Variants in DCC observed in about 807,000 individuals in gnomAD.
DCC encodes the protein netrin receptor DCC.
DCC carries 58 observed loss-of-function variants against 172.5 expected under a neutral mutation model. The observed-to-expected ratio is 0.34, with a 90% CI of 0.27 to 0.42. The LOEUF (loss-of-function observed/expected upper bound fraction) is 0.42, where lower values mean the gene tolerates loss of function less well. Ranked by LOEUF, DCC falls within the 10% of genes least tolerant of loss-of-function variation. The pLI is 1.00. For synonymous variants in DCC, 709 were observed against 644.5 expected (o/e 1.10, Z -1.52); for missense variants, 1,740 against 1,791.0 (o/e 0.97, Z 0.51).
At chr18:53,297,704 T>G (rs2057084320) in intron 12 of DCC, among the ~76,000 whole-genome samples, 1 of 152,104 alleles carries the variant, frequency 6.6e-6, no homozygotes, top group Admixed American at 6.6e-5. Flanking sequence ...GCAAAATAGG[T>G]CTCATATAGA....
intron 1 of DCC, among the ~76,000 whole-genome samples, chr18:52,644,562 G>A (rs1216697333): frequency 1.5e-5 from 2 of 136,748 alleles, no homozygotes; most frequent in African/African-American, 5.6e-5. Flanking sequence ...CTGGGCGACA[G>A]AGTCAGACTC....
chr18:52,515,928 G>GAA lies in DCC; in HGVS notation c.91+175065_91+175066dup, dbSNP rs34820684. On this transcript the variant is annotated intron_variant, in intron 1 of 28. Coordinates refer to ENST00000442544, the MANE Select transcript of DCC (RefSeq NM_005215.4). The stretch of plus-strand genomic sequence containing the variant: ...AGAAAAAAAATCCAGTTAGAAAATG[G>GAA]AAAAAAAAAAAAAAAAGAAAATGGG... 8.3e-3 allele frequency among the ~76,000 whole-genome samples: 953 copies of GAA among 114,962 alleles called. 15 individuals are homozygous for GAA. The highest frequency in any genetic ancestry group is 0.026 in the African/African-American group (753 of 28,598). 75.4% of individuals were successfully genotyped at this position (114,962 alleles called of 152,430 possible). A position where few individuals can be genotyped will look rare whatever the true frequency, so the allele number is the denominator to read the frequency against.
chr18:52,962,169 G>A (rs1435812978), intron 5 of DCC, among the ~76,000 whole-genome samples: 1 of 150,768 alleles, frequency 6.6e-6, no homozygotes, highest in African/African-American at 2.4e-5. Flanking sequence ...GAGTGAACAG[G>A]CAACCTACAA....
At chr18:52,597,794 C>G (rs1598943714) in intron 1 of DCC, among the ~76,000 whole-genome samples, 1 of 152,172 alleles carries the variant, frequency 6.6e-6, no homozygotes, top group Admixed American at 6.5e-5. Flanking sequence ...GCAAGACATT[C>G]AACAAAATGC....
chr18:52,518,082 T>A (rs913770293), intron 1 of DCC, among the ~76,000 whole-genome samples: 3 of 152,214 alleles, frequency 2.0e-5, no homozygotes, highest in African/African-American at 4.8e-5. Context: ...TGGTACTAAT[T>A]TCCCTAAAAA....
At chr18:53,355,596 C>G (rs575780085) in intron 15 of DCC, among the ~76,000 whole-genome samples, 1 of 152,088 alleles carries the variant, frequency 6.6e-6, no homozygotes, top group Non-Finnish European at 1.5e-5. Context: ...TATAAGAATG[C>G]TCGCGATTTT....
intron 1 of DCC, among the ~76,000 whole-genome samples, chr18:52,526,141 G>A (rs2031973467): frequency 6.6e-6 from 1 of 152,194 alleles, no homozygotes; most frequent in African/African-American, 2.4e-5. Context: ...CAAAGACAAA[G>A]AAGTATCTTT....
intron 2 of DCC, among the ~76,000 whole-genome samples, chr18:52,807,467 A>G (rs963959152): frequency 2.0e-5 from 3 of 152,242 alleles, no homozygotes; most frequent in African/African-American, 7.2e-5. Flanking sequence ...AGCTGCGTAT[A>G]TATAAATTCA....
chr18:52,737,093 G>T (rs1358070877), intron 1 of DCC, among the ~76,000 whole-genome samples: 1 of 152,114 alleles, frequency 6.6e-6, no homozygotes, highest in Non-Finnish European at 1.5e-5. Context: ...TAAATTTTAG[G>T]CTTTTACTAT....
At chr18:53,499,626 A>G (rs2046072074) in intron 27 of DCC, 116 bp downstream of exon 27, 4 of 877,110 alleles carry the variant, frequency 4.6e-6, no homozygotes, top group Non-Finnish European at 7.6e-6. Flanking sequence ...TGCTGATTAC[A>G]TGCCCAGTGT....
intron 1 of DCC, among the ~76,000 whole-genome samples, chr18:52,591,369 G>A (rs1259272573): frequency 6.6e-6 from 1 of 151,930 alleles, no homozygotes; most frequent in Non-Finnish European, 1.5e-5. Flanking sequence ...ATGTCATTTT[G>A]CAAACTGCTT....
At chr18:52,420,947 A>G (rs904920976) in intron 1 of DCC, among the ~76,000 whole-genome samples, 4 of 152,160 alleles carry the variant, frequency 2.6e-5, no homozygotes, top group Non-Finnish European at 5.9e-5. Context: ...ATTCAGATCA[A>G]TTCACTTTCA....
chr18:53,491,815 G>T (rs1297053784), intron 26 of DCC, among the ~76,000 whole-genome samples: 1 of 152,144 alleles, frequency 6.6e-6, no homozygotes, highest in Non-Finnish European at 1.5e-5. Flanking sequence ...ATAGTAGAAT[G>T]ATTTATAATC....
intron 9 of DCC, among the ~76,000 whole-genome samples, chr18:53,197,540 T>G (rs1161229833): frequency 2.0e-5 from 3 of 151,244 alleles, no homozygotes; most frequent in African/African-American, 7.3e-5. Flanking sequence ...CAACTACATA[T>G]TCCCTGACAC....
intron 27 of DCC, among the ~76,000 whole-genome samples, chr18:53,506,161 C>T (rs1039572791): frequency 2.2e-4 from 33 of 152,084 alleles, no homozygotes; most frequent in African/African-American, 7.7e-4. Context: ...GGACCTTCAT[C>T]GCCACCCTTA....
intron 1 of DCC, among the ~76,000 whole-genome samples, chr18:52,678,084 A>G (rs2035677995): frequency 6.6e-6 from 1 of 152,190 alleles, no homozygotes; most frequent in African/African-American, 2.4e-5. Flanking sequence ...CACCATGTCA[A>G]GCCTTGAATG....
chr18:52,949,712 C>G (rs574773071), intron 5 of DCC, among the ~76,000 whole-genome samples: 81 of 152,290 alleles, frequency 5.3e-4, no homozygotes, highest in African/African-American at 1.8e-3. Context: ...CTTGAACCTG[C>G]AGGACAGACA....
intron 2 of DCC, among the ~76,000 whole-genome samples, chr18:52,866,278 T>G (rs537733458): frequency 1.3e-5 from 2 of 152,342 alleles, no homozygotes; most frequent in South Asian, 4.1e-4. Context: ...AGTACCATGC[T>G]GTTTTGGTTA....
chr18:53,015,526 A>G (rs2041795776), intron 5 of DCC, among the ~76,000 whole-genome samples: 1 of 152,150 alleles, frequency 6.6e-6, no homozygotes, highest in African/African-American at 2.4e-5. Flanking sequence ...TAATATTTAG[A>G]GGGTACATGC....
Sources: gnomAD v4.1 joint callset for allele counts (sites outside exome capture counted in the v4.1 genomes callset) on GRCh38, gnomAD v4.1.1 for gene constraint, MANE v1.5 for transcripts, NCBI Gene and HGNC (gene_info 2026-07-23, HGNC 2026-07-21) for gene names.